The following COX10 variants were observed in gnomAD, a reference collection of about 807,000 sequenced individuals.
COX10 encodes protoheme IX farnesyltransferase, mitochondrial.
In COX10, 27 loss-of-function variants were observed where a neutral mutation model predicts 37.3. That is an observed-to-expected ratio of 0.72 (90% CI 0.53 to 1.00). The LOEUF (loss-of-function observed/expected upper bound fraction) is 1.00. COX10 is among the 50% of genes least tolerant of loss of function. The pLI is 0.00. For missense variants in COX10, 475 were observed against 563.2 expected (o/e 0.84, Z 1.59); for synonymous variants, 222 against 229.1 (o/e 0.97, Z 0.28).
intron 2 of COX10, among the ~76,000 whole-genome samples, chr17:14,075,219 G>A (rs1597490400): frequency 6.6e-6 from 1 of 152,166 alleles, no homozygotes; most frequent in South Asian, 2.1e-4. Flanking sequence ...TTCTAGAAAT[G>A]TTCAGGCTTT....
At chr17:14,204,781 C>T (rs200400968) in intron 6 of COX10, among the ~76,000 whole-genome samples, 1 of 151,894 alleles carries the variant, frequency 6.6e-6, no homozygotes, top group African/African-American at 2.4e-5. Context: ...CGTTAAGATC[C>T]TCTGTGGCTT....
rs1906780122 is a variant in COX10, at chr17:14,208,633, T to G, written c.*1420T>G. ...TGTTACAGCCTTCACATTTGTACAA[T>G]TCATTGATTCTCTTTTCCTTCCACA... On this transcript the variant is annotated 3_prime_UTR_variant, in exon 7 of 7. Transcript: ENST00000261643. 1 of 152,202 alleles carries G rather than the reference T, an allele frequency of 6.6e-6. No individual in the cohort carries two copies. The highest frequency in any genetic ancestry group is 2.4e-5 in the African/African-American group (1 of 41,436). 9.4% of individuals were successfully genotyped at this position (152,202 alleles called of 1,614,324 possible). A position where few individuals can be genotyped will look rare whatever the true frequency, so the allele number is the denominator to read the frequency against.
intron 5 of COX10, chr17:14,177,215 G>A (rs2532448): frequency 2.8e-6 from 2 of 726,558 alleles, no homozygotes; most frequent in African/African-American, 1.7e-5. Context: ...ACTGTTCTAG[G>A]GGCTTCTGGC....
chr17:14,182,635 C>G (rs1905903896), intron 5 of COX10, among the ~76,000 whole-genome samples: 1 of 152,144 alleles, frequency 6.6e-6, no homozygotes, highest in South Asian at 2.1e-4. Context: ...GGGATTTACG[C>G]AGGAAATTAA....
At chr17:14,206,079 A>G (rs1906689677) in intron 6 of COX10, among the ~76,000 whole-genome samples, 1 of 152,160 alleles carries the variant, frequency 6.6e-6, no homozygotes, top group South Asian at 2.1e-4. Context: ...CCATTGTGCC[A>G]GGCTCTGGGG....
chr17:14,159,172 G>T (rs1905119723), intron 4 of COX10, among the ~76,000 whole-genome samples: 1 of 152,100 alleles, frequency 6.6e-6, no homozygotes, highest in Non-Finnish European at 1.5e-5. Context: ...ATGTAAATTA[G>T]AACTATCCTG....
intron 3 of COX10, among the ~76,000 whole-genome samples, chr17:14,087,113 A>G (rs1193952158): frequency 6.6e-6 from 1 of 152,138 alleles, no homozygotes; most frequent in East Asian, 1.9e-4. Flanking sequence ...TTGAGCATCT[A>G]TTATGTTCCA....
At chr17:14,101,408 G>A (rs1597501030) in intron 3 of COX10, among the ~76,000 whole-genome samples, 1 of 152,206 alleles carries the variant, frequency 6.6e-6, no homozygotes, top group African/African-American at 2.4e-5. Flanking sequence ...TTTTCCAGCG[G>A]ATTTCTACAG....
chr17:14,113,869 A>G (rs982793423), intron 4 of COX10, among the ~76,000 whole-genome samples: 9 of 152,172 alleles, frequency 5.9e-5, no homozygotes, highest in Non-Finnish European at 1.0e-4. Context: ...ATTTAAGTCT[A>G]TTGAATATCA....
At chr17:14,162,211 A>C (rs1282291333) in intron 5 of COX10, among the ~76,000 whole-genome samples, 1 of 152,250 alleles carries the variant, frequency 6.6e-6, no homozygotes, top group Non-Finnish European at 1.5e-5. Context: ...GCATATACTT[A>C]TAAAATTTGT....
intron 5 of COX10, among the ~76,000 whole-genome samples, chr17:14,174,238 CTG>C (rs879593479): frequency 3.9e-5 from 6 of 151,974 alleles, no homozygotes; most frequent in Non-Finnish European, 7.4e-5. Context: ...AGCAGGAGGA[CTG>C]CTTGAGCCCA....
intron 4 of COX10, among the ~76,000 whole-genome samples, chr17:14,151,314 A>G (rs1205912393): frequency 6.6e-6 from 1 of 152,164 alleles, no homozygotes; most frequent in African/African-American, 2.4e-5. Context: ...GAAATGAACC[A>G]TGAGTCTTGG....
chr17:14,095,351 ATACT>A (rs1451927068), intron 3 of COX10, among the ~76,000 whole-genome samples: 5 of 152,140 alleles, frequency 3.3e-5, no homozygotes, highest in Admixed American at 3.3e-4. Context: ...CACCTTCAAA[ATACT>A]TACAGCGAAC....
intron 6 of COX10, among the ~76,000 whole-genome samples, chr17:14,197,825 A>G (rs145383060): frequency 0.012 from 1,821 of 152,150 alleles, 13 homozygotes; most frequent in Middle Eastern, 0.044. Flanking sequence ...GGTAGTCAGG[A>G]CTCTGCGGCC....
intron 5 of COX10, among the ~76,000 whole-genome samples, chr17:14,173,420 G>C (rs374966068): frequency 2.0e-4 from 30 of 152,374 alleles, no homozygotes; most frequent in African/African-American, 6.3e-4. Context: ...TAGAGAGACA[G>C]GCTGTAGACC....
chr17:14,171,636 C>G (rs575592120), intron 5 of COX10, among the ~76,000 whole-genome samples: 2 of 151,618 alleles, frequency 1.3e-5, no homozygotes, highest in South Asian at 4.2e-4. Context: ...CTGCCTGTTC[C>G]CTGCTGAGCT....
chr17:14,174,029 G>C (rs905320281), intron 5 of COX10, among the ~76,000 whole-genome samples: 21 of 151,928 alleles, frequency 1.4e-4, no homozygotes, highest in Non-Finnish European at 2.8e-4. Context: ...AAAAACTTCT[G>C]CTCTTCAGAA....
Position 14,205,619 on chromosome 17 carries a change from G to A in COX10, c.929-1191G>A, listed in dbSNP as rs191299147. On this transcript the variant is annotated intron_variant, in intron 6 of 6. Transcript: ENST00000261643. The stretch of plus-strand genomic sequence containing the variant: ...CGCGAGTACTCAGTCACCTGCACAG[G>A]AATAACCAGCCCCTGCCTTCCAGCC... 1.8e-3 allele frequency among the ~76,000 whole-genome samples: 269 copies of A among 151,792 alleles called. 1 individual carries two copies. The highest frequency in any genetic ancestry group is 4.2e-3 in the South Asian group (20 of 4,804).
intron 5 of COX10, among the ~76,000 whole-genome samples, chr17:14,168,365 A>G (rs529807935): frequency 3.0e-4 from 46 of 152,224 alleles, no homozygotes; most frequent in African/African-American, 1.1e-3. Context: ...TGGCTTTTCC[A>G]GGCACATAGT....
Sources: allele counts gnomAD v4.1 joint callset (sites outside exome capture counted in the v4.1 genomes callset), GRCh38; gene constraint gnomAD v4.1.1; transcripts MANE v1.5; gene names NCBI Gene and HGNC (gene_info 2026-07-23, HGNC 2026-07-21).